The following LZTS2 variants were observed in gnomAD, a reference collection of about 807,000 sequenced individuals.
The protein encoded by LZTS2 is leucine zipper tumor suppressor 2, also known as leucine zipper putative tumor suppressor 2.
In LZTS2, 32 loss-of-function variants were observed where a neutral mutation model predicts 60.6. The ratio of observed to expected loss-of-function variants is 0.53; its 90% CI spans 0.40 to 0.71. The LOEUF is 0.71. LZTS2 is among the 30% of genes least tolerant of loss of function. LZTS2 has a pLI of 0.00. For synonymous variants in LZTS2, 360 were observed against 393.1 expected (o/e 0.92, Z 1.00); for missense variants, 792 against 901.9 (o/e 0.88, Z 1.56).
exon 4 of LZTS2, chr10:101,007,520 T>G: frequency 1.2e-5 from 16 of 1,332,516 alleles, no homozygotes; most frequent in African/African-American, 3.0e-5. Context: ...CCTCTTCACA[T>G]TCCCCCCGAC....
chr10:100,998,466 AACCC>A (rs1268677803), upstream of LZTS2: 38 of 152,532 alleles, frequency 2.5e-4, no homozygotes, highest in African/African-American at 9.1e-4. Context: ...AAAGAAAAAC[AACCC>A]TGTCCATGGA....
upstream of LZTS2, among the ~76,000 whole-genome samples, chr10:100,997,487 C>T (rs2133954756): frequency 6.6e-6 from 1 of 152,324 alleles, no homozygotes; most frequent in East Asian, 1.9e-4. Context: ...AGGACGCGCC[C>T]AGTTGGCCAC....
rs767998937 is a variant in LZTS2 at position 101,006,796 on chromosome 10, C to T, written c.1638C>T (p.Thr546=). 47 of 1,547,194 alleles carry T rather than the reference C, an allele frequency of 3.0e-5. 1 individual carries two copies. In the South Asian group the frequency reaches 4.6e-4, roughly 15 times the overall value. ...GGGAGCCCCCTGTGCCACCTGCCAC[C>T]GCTGACCCATTCCTCCTGGCAGAGA... Residue 546 remains threonine (T), a synonymous_variant, in exon 4 of 4, where the codon ACC becomes ACT. Coordinates refer to ENST00000370220, the Ensembl canonical transcript of LZTS2.
At chr10:100,997,479 G>C (rs566608178), upstream of LZTS2, among the ~76,000 whole-genome samples, 30 of 152,322 alleles carry the variant, frequency 2.0e-4, no homozygotes, top group South Asian at 6.0e-3. Context: ...ACTCGGAAAG[G>C]ACGCGCCCAG....
upstream of LZTS2, among the ~76,000 whole-genome samples, chr10:100,997,978 C>T (rs1851949684): frequency 6.6e-6 from 1 of 152,214 alleles, no homozygotes; most frequent in Non-Finnish European, 1.5e-5. Flanking sequence ...GTTTCGGAGA[C>T]AGGCCCTTGA....
At chr10:101,003,855 G>A in exon 2 of LZTS2, 1 of 1,613,212 alleles carries the variant, frequency 6.2e-7, no homozygotes, top group African/African-American at 1.3e-5. Context: ...CCATGGCTCT[G>A]GGCGAGGGGC....
rs1852043327 is a variant in LZTS2 at position 101,001,676 on chromosome 10, T to C, written c.-863T>C. The C allele has an allele frequency of 2.0e-5, 3 of 152,358 alleles. No individual in the cohort carries two copies. The South Asian group carries it at 6.2e-4, about 32-fold the overall frequency. The allele number at this position is 152,358 out of a possible 1,614,324, so 9.4% of individuals were successfully genotyped here. A position where few individuals can be genotyped will look rare whatever the true frequency, so the allele number is the denominator to read the frequency against. ...CCTGGGCTCTGTGGAAGTGAGGTTT[T>C]GGAGCAGCCTCCAGAGGTGAAGGCA... is the stretch of plus-strand genomic sequence containing the variant. On this transcript the variant is annotated 5_prime_UTR_variant, in exon 1 of 4. Coordinates refer to ENST00000370220, the Ensembl canonical transcript of LZTS2.
At chr10:101,002,805 C>T in exon 1 of LZTS2, 1 of 1,613,890 alleles carries the variant, frequency 6.2e-7, no homozygotes, top group Non-Finnish European at 8.5e-7. Context: ...CCAGCTTCAC[C>T]TACATCAATG....
At chr10:100,999,386 G>A (rs1287303970), upstream of LZTS2, 2 of 152,286 alleles carry the variant, frequency 1.3e-5, no homozygotes, top group Non-Finnish European at 2.9e-5. Context: ...ACCGGAGAGT[G>A]GGGGACGGCC....
chr10:101,003,377 C>G, intron 1 of LZTS2, 130 bp from the exon 3 acceptor site: 1 of 924,264 alleles, frequency 1.1e-6, no homozygotes, highest in Non-Finnish European at 1.6e-6. Context: ...TGGTGGCCAC[C>G]TCCACCAGTG....
At chr10:100,997,707 G>A (rs1177253816), upstream of LZTS2, among the ~76,000 whole-genome samples, 1 of 152,232 alleles carries the variant, frequency 6.6e-6, no homozygotes, top group Non-Finnish European at 1.5e-5. Context: ...TGACAGCTCC[G>A]CAGACCAGTG....
exon 2 of LZTS2, chr10:101,004,161 T>A (rs1388226096): frequency 6.3e-7 from 1 of 1,597,276 alleles, no homozygotes; most frequent in Admixed American, 1.7e-5. Context: ...GGCTACCATG[T>A]GCCAGGTGTG....
exon 4 of LZTS2, chr10:101,006,584 G>A (rs1331285604): frequency 6.2e-7 from 1 of 1,609,874 alleles, no homozygotes; most frequent in Admixed American, 1.7e-5. Flanking sequence ...GGCTCTGCGG[G>A]TGGCGCTGCG....
chr10:101,005,810 C>A (rs774978653), intron 3 of LZTS2, 95 bp downstream of exon 4: 1 of 1,398,360 alleles, frequency 7.2e-7, no homozygotes, highest in East Asian at 2.5e-5. Flanking sequence ...CTGCCACCCC[C>A]AGAGGTCCTC....
At chr10:101,005,820 C>T in intron 3 of LZTS2, 105 bp downstream of exon 4, 2 of 1,373,780 alleles carry the variant, frequency 1.5e-6, no homozygotes, top group Admixed American at 5.7e-5. Flanking sequence ...CAGAGGTCCT[C>T]CCCTTTCTCA....
intron 1 of LZTS2, chr10:101,003,286 C>T (rs933550634): frequency 1.9e-5 from 10 of 530,736 alleles, no homozygotes; most frequent in African/African-American, 7.7e-5. Context: ...GCCTCCATTT[C>T]CTCATCTGTA....
At position 101,007,111 on chromosome 10, in the gene LZTS2, C is replaced by G. The variant is rs143326339; in HGVS notation, c.1953C>G (p.Gly651=). The change falls in exon 4 of 4, where the codon GGC becomes GGG. Residue 651 remains glycine (G), a synonymous_variant. Transcript: ENST00000370220. ...AGGCCCGGGAGCTCGCTGACCTGGG[C>G]CTGGCCGAGCAGGCCCCCTGCATCT... 11 of 1,610,352 alleles carry G rather than the reference C, an allele frequency of 6.8e-6. No homozygotes were observed. In the African/African-American group the frequency reaches 1.5e-4, roughly 21 times the overall value.
exon 1 of LZTS2, chr10:101,001,328 C>T (rs1852033264): frequency 6.6e-6 from 1 of 152,288 alleles, no homozygotes; most frequent in Admixed American, 6.5e-5. Flanking sequence ...TGAATTCACA[C>T]ATGAACTCAT....
At chr10:100,997,456 C>A (rs181700838), upstream of LZTS2, among the ~76,000 whole-genome samples, 806 of 152,314 alleles carry the variant, frequency 5.3e-3, 3 homozygotes, top group Non-Finnish European at 8.8e-3. Context: ...TTGGGACACG[C>A]GAACACACAT....
Sources: allele counts gnomAD v4.1 joint callset (sites outside exome capture counted in the v4.1 genomes callset), GRCh38; gene constraint gnomAD v4.1.1; transcripts MANE v1.5; gene names NCBI Gene and HGNC (gene_info 2026-07-23, HGNC 2026-07-21).